Variants in SUGCT observed in about 807,000 individuals in gnomAD.
SUGCT encodes succinyl-CoA:glutarate-CoA transferase, also known as succinyl-CoA:glutarate CoA-transferase.
A neutral mutation model predicts 55.0 loss-of-function variants in SUGCT; 41 were observed. The observed-to-expected ratio is 0.74, with a 90% CI of 0.58 to 0.97. The LOEUF (loss-of-function observed/expected upper bound fraction) is 0.97. Among genes scored for constraint, SUGCT ranks in the 50% least tolerant of loss-of-function variants. The probability of loss-of-function intolerance (pLI) is 0.00; values close to 1 mark genes in which losing one functional copy is unlikely to be tolerated. For missense variants in SUGCT, 568 were observed against 547.8 expected (o/e 1.04, Z -0.37); for synonymous variants, 187 against 200.4 (o/e 0.93, Z 0.56).
the SUGCT span, among the ~76,000 whole-genome samples, chr7:41,036,143 A>T: frequency 0.025 from 3,800 of 152,242 alleles, 148 homozygotes; most frequent in African/African-American, 0.086. Flanking sequence ...GCTCAAACAA[A>T]TTTGTGGAAT....
intron 11 of SUGCT, among the ~76,000 whole-genome samples, chr7:40,465,009 C>T (rs920526512): frequency 6.6e-6 from 1 of 152,110 alleles, no homozygotes; most frequent in African/African-American, 2.4e-5. Context: ...ATATGTAAAG[C>T]AAGTATATGT....
intron 9 of SUGCT, among the ~76,000 whole-genome samples, chr7:40,326,024 G>T (rs1189451305): frequency 6.6e-6 from 1 of 151,132 alleles, no homozygotes; most frequent in Non-Finnish European, 1.5e-5. Flanking sequence ...CCTTGCTACA[G>T]AAGTATCTTT....
the SUGCT span, among the ~76,000 whole-genome samples, chr7:40,904,129 A>G: frequency 6.6e-6 from 1 of 152,230 alleles, no homozygotes; most frequent in African/African-American, 2.4e-5. Context: ...TTTTACAGCC[A>G]AATTACAAGT....
chr7:40,159,201 T>G (rs888882909), intron 1 of SUGCT, among the ~76,000 whole-genome samples: 27 of 152,214 alleles, frequency 1.8e-4, no homozygotes, highest in Admixed American at 1.3e-4. Context: ...ATTATAGGTG[T>G]GAGCCACCAC....
chr7:40,969,058 T>A, the SUGCT span, among the ~76,000 whole-genome samples: 1 of 152,198 alleles, frequency 6.6e-6, no homozygotes, highest in Non-Finnish European at 1.5e-5. Context: ...ACTGTGGGTG[T>A]CAGGAAGAGA....
At chr7:40,585,098 A>G (rs931400232) in intron 12 of SUGCT, among the ~76,000 whole-genome samples, 9 of 152,318 alleles carry the variant, frequency 5.9e-5, no homozygotes, top group Admixed American at 5.9e-4. Context: ...TGGCAGTTGT[A>G]GGTGGATTCT....
At chr7:40,507,496 C>A (rs546009371) in intron 12 of SUGCT, among the ~76,000 whole-genome samples, 14 of 152,110 alleles carry the variant, frequency 9.2e-5, no homozygotes, top group Non-Finnish European at 1.8e-4. Flanking sequence ...TTTACTCACC[C>A]CCCTACCCCT....
chr7:40,193,726 G>C (rs1265710471), intron 5 of SUGCT, among the ~76,000 whole-genome samples: 1 of 151,388 alleles, frequency 6.6e-6, no homozygotes. Flanking sequence ...AGCCTCCCGA[G>C]TAGCTGGGAT....
At chr7:40,544,700 C>G (rs1364294685) in intron 12 of SUGCT, among the ~76,000 whole-genome samples, 1 of 152,134 alleles carries the variant, frequency 6.6e-6, no homozygotes, top group African/African-American at 2.4e-5. Flanking sequence ...CTTTGGGGAG[C>G]AGTGGGGTGT....
chr7:40,963,439 A>T, the SUGCT span, among the ~76,000 whole-genome samples: 1 of 152,192 alleles, frequency 6.6e-6, no homozygotes, highest in East Asian at 1.9e-4. Flanking sequence ...CTTTTTAAAC[A>T]TCTATTTATT....
At chr7:40,563,334 A>C (rs1795942932) in intron 12 of SUGCT, among the ~76,000 whole-genome samples, 1 of 152,132 alleles carries the variant, frequency 6.6e-6, no homozygotes, top group African/African-American at 2.4e-5. Flanking sequence ...TAGTTCAGAT[A>C]CTGTCTGTTC....
chr7:40,745,543 AAGAG>A (rs1219340882), intron 12 of SUGCT, among the ~76,000 whole-genome samples: 2 of 152,140 alleles, frequency 1.3e-5, no homozygotes, highest in African/African-American at 2.4e-5. Context: ...TTGAGAAAGA[AAGAG>A]AGACCTTATT....
At chr7:40,577,160 T>A (rs1214712157) in intron 12 of SUGCT, among the ~76,000 whole-genome samples, 1 of 152,210 alleles carries the variant, frequency 6.6e-6, no homozygotes, top group African/African-American at 2.4e-5. Context: ...TCAGATTCAT[T>A]GCGTAGCTGG....
intron 12 of SUGCT, among the ~76,000 whole-genome samples, chr7:40,649,778 T>C (rs902666736): frequency 6.6e-6 from 1 of 152,202 alleles, no homozygotes; most frequent in African/African-American, 2.4e-5. Flanking sequence ...GTCCATATGG[T>C]AGAAATTTCA....
intron 12 of SUGCT, among the ~76,000 whole-genome samples, chr7:40,692,823 A>C (rs759320011): frequency 6.9e-6 from 1 of 145,118 alleles, no homozygotes; most frequent in South Asian, 2.2e-4. Context: ...CATTCTACCA[A>C]TGAGACACAC....
chr7:40,841,247 C>T (rs576925154), intron 13 of SUGCT, among the ~76,000 whole-genome samples: 26 of 152,034 alleles, frequency 1.7e-4, no homozygotes, highest in Non-Finnish European at 3.5e-4. Context: ...TTTATTCATT[C>T]ATCAATAACT....
At chr7:40,890,277 TAA>T in the SUGCT span, among the ~76,000 whole-genome samples, 3 of 143,224 alleles carry the variant, frequency 2.1e-5, no homozygotes, top group East Asian at 5.9e-4. Context: ...TAATATAAAT[TAA>T]ATATTTATAT....
At chr7:41,019,724 C>T in the SUGCT span, among the ~76,000 whole-genome samples, 4 of 152,190 alleles carry the variant, frequency 2.6e-5, no homozygotes, top group Admixed American at 6.5e-5. Context: ...CGGGTTGACT[C>T]GGCAAATACA....
At chr7:40,974,865 T>A in the SUGCT span, among the ~76,000 whole-genome samples, 1 of 152,206 alleles carries the variant, frequency 6.6e-6, no homozygotes, top group Admixed American at 6.5e-5. Flanking sequence ...TTCATTTCTC[T>A]GTAAAATGTA....
Sources: allele counts gnomAD v4.1 joint callset (sites outside exome capture counted in the v4.1 genomes callset), GRCh38; gene constraint gnomAD v4.1.1; transcripts MANE v1.5; gene names NCBI Gene and HGNC (gene_info 2026-07-23, HGNC 2026-07-21).